MPPED2: variants seen among roughly 807,000 people sequenced by gnomAD.
The protein encoded by MPPED2 is metallophosphoesterase MPPED2.
In MPPED2, 5 loss-of-function variants were observed where a neutral mutation model predicts 33.0. The ratio of observed to expected loss-of-function variants is 0.15; its 90% CI spans 0.08 to 0.32. MPPED2 has a LOEUF of 0.32. Among genes scored for constraint, MPPED2 ranks in the 10% least tolerant of loss-of-function variants. The pLI, the probability that MPPED2 is intolerant of heterozygous loss-of-function variation, is 1.00. For synonymous variants in MPPED2, 136 were observed against 141.9 expected (o/e 0.96, Z 0.29); for missense variants, 275 against 372.1 (o/e 0.74, Z 2.15).
chr11:30,538,412 G>A (rs1396860150), intron 2 of MPPED2, among the ~76,000 whole-genome samples: 1 of 152,094 alleles, frequency 6.6e-6, no homozygotes, highest in Non-Finnish European at 1.5e-5. Flanking sequence ...ATAGTTCCCT[G>A]TTCTATGAAT....
intron 2 of MPPED2, among the ~76,000 whole-genome samples, chr11:30,574,510 T>C (rs1363572908): frequency 6.6e-6 from 1 of 152,174 alleles, no homozygotes; most frequent in Non-Finnish European, 1.5e-5. Flanking sequence ...AGTGACACCA[T>C]ACTTCTTTAA....
chr11:30,486,271 G>A (rs755978370), intron 4 of MPPED2, among the ~76,000 whole-genome samples: 3 of 152,118 alleles, frequency 2.0e-5, no homozygotes, highest in Non-Finnish European at 4.4e-5. Context: ...TCACTGTCTG[G>A]CAAGACCTGG....
chr11:30,585,168 G>A (rs867690814), intron 1 of MPPED2, among the ~76,000 whole-genome samples: 1 of 152,220 alleles, frequency 6.6e-6, no homozygotes, highest in African/African-American at 2.4e-5. Flanking sequence ...CTTGTTATAC[G>A]TAAATAGCAA....
At chr11:30,498,988 T>C (rs768187855) in intron 3 of MPPED2, among the ~76,000 whole-genome samples, 2 of 152,190 alleles carry the variant, frequency 1.3e-5, no homozygotes, top group Non-Finnish European at 2.9e-5. Context: ...CACTTAGTGG[T>C]GTCACATAAG....
At chr11:30,505,364 G>T (rs1952774399) in intron 3 of MPPED2, among the ~76,000 whole-genome samples, 1 of 152,124 alleles carries the variant, frequency 6.6e-6, no homozygotes, top group African/African-American at 2.4e-5. Flanking sequence ...AGAAATGAAT[G>T]ACACTATCCT....
intron 3 of MPPED2, among the ~76,000 whole-genome samples, chr11:30,535,609 A>C (rs1334016504): frequency 6.6e-6 from 1 of 152,162 alleles, no homozygotes; most frequent in Non-Finnish European, 1.5e-5. Flanking sequence ...TTCTCTTACT[A>C]GTAGGTCATT....
At chr11:30,464,976 A>T (rs1780749647) in intron 4 of MPPED2, among the ~76,000 whole-genome samples, 2 of 152,306 alleles carry the variant, frequency 1.3e-5, no homozygotes, top group Middle Eastern at 3.4e-3. Flanking sequence ...CACTAGCTAT[A>T]TAGTTTTAGG....
intron 3 of MPPED2, among the ~76,000 whole-genome samples, chr11:30,508,309 T>C (rs942182677): frequency 1.6e-4 from 24 of 152,208 alleles, no homozygotes; most frequent in African/African-American, 5.5e-4. Context: ...TCTTTGTTCC[T>C]AGACATGTGA....
rs1475366902 is a variant in MPPED2 at position 30,536,077 on chromosome 11, G to C, written c.227C>G (p.Pro76Arg). Residue 76 changes from proline (P) to arginine (R), a missense_variant, in exon 3 of 7, where the codon CCT becomes CGT. Coordinates refer to ENST00000358117, the MANE Select transcript of MPPED2 (RefSeq NM_001584.3). ...TGTGTGGAGAAGGATGTCCCCATAA[G>C]GCATCTGGATACCATCTGTTCTGGA... is the stretch of plus-strand genomic sequence containing the variant. ...THSRTDGIQM[P>R]YGDILLHTGD... 6.2e-7 allele frequency: 1 copy of C among 1,613,706 alleles called. No homozygotes were observed. Among genetic ancestry groups the C allele is most frequent in the Non-Finnish European group, 8.5e-7 (1 of 1,179,844 alleles).
chr11:30,583,642 C>T (rs1049816340), intron 1 of MPPED2, among the ~76,000 whole-genome samples: 5 of 152,072 alleles, frequency 3.3e-5, no homozygotes, highest in African/African-American at 9.7e-5. Flanking sequence ...GTTGGAAAAC[C>T]TTTTAAAGTC....
downstream of MPPED2, among the ~76,000 whole-genome samples, chr11:30,406,140 G>C (rs1565036319): frequency 2.0e-5 from 3 of 152,156 alleles, 1 homozygote; most frequent in South Asian, 6.2e-4. Flanking sequence ...ACGGGTTGAA[G>C]AAAAGGAAAA....
rs1036582330 is a variant in MPPED2, at chr11:30,578,907, C to T, written c.128+1339G>A. On this transcript the variant is annotated intron_variant, in intron 2 of 6. Transcript: ENST00000358117. ...CCATTTTTCCTTAAAATCATGTTAG[C>T]GATCCTTCATAATCATGAATATATT... Among the ~76,000 whole-genome samples the T allele has an allele frequency of 2.6e-5, 4 of 151,858 alleles. No homozygotes were observed. The South Asian group carries it at 6.2e-4, about 24-fold the overall frequency.
chr11:30,456,985 T>C (rs1950306180), intron 4 of MPPED2, among the ~76,000 whole-genome samples: 1 of 152,188 alleles, frequency 6.6e-6, no homozygotes, highest in Non-Finnish European at 1.5e-5. Flanking sequence ...CTGTTAAAAA[T>C]TAATACTTCA....
At chr11:30,570,778 A>T (rs1020909659) in intron 2 of MPPED2, among the ~76,000 whole-genome samples, 3 of 152,186 alleles carry the variant, frequency 2.0e-5, no homozygotes, top group Admixed American at 6.5e-5. Context: ...TAAGTGTACA[A>T]ATATGTACAA....
At chr11:30,432,239 A>C (rs1306160114) in intron 4 of MPPED2, among the ~76,000 whole-genome samples, 1 of 152,130 alleles carries the variant, frequency 6.6e-6, no homozygotes, top group Non-Finnish European at 1.5e-5. Context: ...AACCAGGTCA[A>C]TTGCTTTGTT....
chr11:30,423,948 C>T (rs1948724826), intron 4 of MPPED2, among the ~76,000 whole-genome samples: 1 of 152,146 alleles, frequency 6.6e-6, no homozygotes. Context: ...GATGGCTAGA[C>T]AGAGCCTGAT....
At chr11:30,582,842 G>A (rs1957230012) in intron 1 of MPPED2, among the ~76,000 whole-genome samples, 1 of 152,150 alleles carries the variant, frequency 6.6e-6, no homozygotes, top group Non-Finnish European at 1.5e-5. Flanking sequence ...ACAGGCCCCT[G>A]TAACTCTGAA....
chr11:30,469,758 T>C (rs577945887), intron 4 of MPPED2, among the ~76,000 whole-genome samples: 2 of 152,340 alleles, frequency 1.3e-5, no homozygotes, highest in African/African-American at 4.8e-5. Flanking sequence ...ATCATTATCA[T>C]GATCACTCCT....
At chr11:30,488,466 G>A (rs563966638) in intron 4 of MPPED2, among the ~76,000 whole-genome samples, 1 of 152,148 alleles carries the variant, frequency 6.6e-6, no homozygotes, top group Non-Finnish European at 1.5e-5. Flanking sequence ...AAAGGCACCC[G>A]GCAGGCTTTG....
Sources: gnomAD v4.1 joint callset for allele counts (sites outside exome capture counted in the v4.1 genomes callset) on GRCh38, gnomAD v4.1.1 for gene constraint, MANE v1.5 for transcripts, NCBI Gene and HGNC (gene_info 2026-07-23, HGNC 2026-07-21) for gene names.